Variants in PHIP observed in about 807,000 individuals in gnomAD.
The protein encoded by PHIP is PHIP subunit of CUL4-Ring ligase complex.
PHIP carries 54 observed loss-of-function variants against 236.8 expected under a neutral mutation model. That is an observed-to-expected ratio of 0.23 (90% CI 0.18 to 0.29). The LOEUF (loss-of-function observed/expected upper bound fraction) is 0.29. Among genes scored for constraint, PHIP ranks in the 10% least tolerant of loss-of-function variants. PHIP has a pLI of 1.00. For missense variants in PHIP, 1,370 were observed against 2,190.8 expected (o/e 0.63, Z 7.48); for synonymous variants, 756 against 718.9 (o/e 1.05, Z -0.83).
At chr6:78,962,290 A>G (rs1417054705) in intron 30 of PHIP, among the ~76,000 whole-genome samples, 1 of 152,184 alleles carries the variant, frequency 6.6e-6, no homozygotes, top group Non-Finnish European at 1.5e-5. Flanking sequence ...ATTCAGTGAT[A>G]CTGACCCAAT....
At chr6:78,978,536 A>T (rs558014571) in intron 24 of PHIP, 56 bp downstream of exon 24, 1 of 1,436,766 alleles carries the variant, frequency 7.0e-7, no homozygotes, top group Middle Eastern at 1.8e-4. Flanking sequence ...AAGAGCTGTT[A>T]AAAAATGTTT....
chr6:79,025,371 AC>A, intron 9 of PHIP, 147 bp downstream of exon 9: 1 of 528,710 alleles, frequency 1.9e-6, no homozygotes, highest in Non-Finnish European at 3.4e-6. Flanking sequence ...TAAAAATAAA[AC>A]AGGTTAGTAA....
chr6:78,944,059 A>T (rs1454369847), intron 39 of PHIP, among the ~76,000 whole-genome samples: 1 of 151,786 alleles, frequency 6.6e-6, no homozygotes, highest in Non-Finnish European at 1.5e-5. Context: ...AGACTTCCTA[A>T]AGAAGACGAT....
In PHIP at chr6:78,952,213, G is replaced by A. The variant is rs140076864; in HGVS notation, c.4053+2601C>T. On this transcript the variant is annotated intron_variant, in intron 35 of 39. Transcript: ENST00000275034. ...AGGCAGGCAGATCACAAGGTCAAGA[G>A]ATTGAGACCATCCTGGCCAACATGG... Among the ~76,000 whole-genome samples the A allele has an allele frequency of 8.5e-3, 1,295 of 152,154 alleles. 21 individuals are homozygous for A. The highest frequency in any genetic ancestry group is 0.029 in the African/African-American group (1,206 of 41,500).
intron 7 of PHIP, 140 bp from the exon 8 acceptor site, chr6:79,026,304 G>A (rs753919148): frequency 1.5e-5 from 10 of 665,094 alleles, no homozygotes; most frequent in Non-Finnish European, 2.3e-5. Context: ...ACTTGTGTTA[G>A]CTTACACAAA....
chr6:78,969,102 G>A (rs1302618536), intron 27 of PHIP, among the ~76,000 whole-genome samples: 7 of 152,188 alleles, frequency 4.6e-5, no homozygotes, highest in African/African-American at 1.7e-4. Context: ...AACATGAGAT[G>A]TAAATTTTCT....
intron 6 of PHIP, 60 bp downstream of exon 6, chr6:79,060,418 T>A (rs927589262): frequency 5.1e-6 from 6 of 1,176,918 alleles, no homozygotes; most frequent in Non-Finnish European, 7.3e-6. Flanking sequence ...AAAAACCTTT[T>A]CATTTTCAAA....
chr6:79,007,650 T>C (rs1770355360), intron 15 of PHIP, among the ~76,000 whole-genome samples: 1 of 135,118 alleles, frequency 7.4e-6, no homozygotes, highest in Non-Finnish European at 1.6e-5. Flanking sequence ...CAGTATGTCT[T>C]GTTCTTTTTT....
At chr6:78,953,002 GTTATC>G (rs1392890426) in intron 35 of PHIP, among the ~76,000 whole-genome samples, 3 of 146,640 alleles carry the variant, frequency 2.0e-5, no homozygotes, top group Non-Finnish European at 4.5e-5. Context: ...TGTTGTTTCT[GTTATC>G]TTATTATGGT....
rs188724227 is a variant in PHIP, at chr6:78,948,505, C to A, written c.4054-730G>T. 6.8e-4 allele frequency among the ~76,000 whole-genome samples: 103 copies of A among 152,110 alleles called. 1 individual carries two copies. The South Asian group carries it at 7.9e-3, about 12-fold the overall frequency. ...CAGGGACAAAGAGTATTGTACCCCC[C>A]CTTTTTGGGAGACACAGTCTTGCTG... On this transcript the variant is annotated intron_variant, in intron 35 of 39. Coordinates refer to ENST00000275034, the MANE Select transcript of PHIP (RefSeq NM_017934.7).
chr6:79,049,156 G>C (rs1305347630), intron 6 of PHIP, among the ~76,000 whole-genome samples: 1 of 151,560 alleles, frequency 6.6e-6, no homozygotes, highest in Non-Finnish European at 1.5e-5. Flanking sequence ...TCCGCCTCCT[G>C]GGTTCAAGCG....
intron 23 of PHIP, among the ~76,000 whole-genome samples, chr6:78,981,150 C>T (rs1185920502): frequency 6.6e-6 from 1 of 151,946 alleles, no homozygotes; most frequent in Non-Finnish European, 1.5e-5. Context: ...TTTAACATTT[C>T]TAGCTCCATG....
At chr6:79,057,701 G>A (rs1039405134) in intron 6 of PHIP, among the ~76,000 whole-genome samples, 7 of 152,036 alleles carry the variant, frequency 4.6e-5, no homozygotes, top group African/African-American at 1.7e-4. Context: ...TTTAAAGGTA[G>A]CCAGACAGAA....
intron 9 of PHIP, among the ~76,000 whole-genome samples, chr6:79,024,830 T>C (rs986729072): frequency 6.6e-6 from 1 of 151,878 alleles, no homozygotes; most frequent in Non-Finnish European, 1.5e-5. Flanking sequence ...AATAAATAAA[T>C]AAAAGATATG....
At chr6:78,999,883 A>C (rs1348275647) in intron 17 of PHIP, among the ~76,000 whole-genome samples, 5 of 152,086 alleles carry the variant, frequency 3.3e-5, no homozygotes, top group Non-Finnish European at 7.4e-5. Flanking sequence ...GACAGAAGTA[A>C]AAGTTCAAAT....
Position 79,031,420 on chromosome 6 carries a change from TA to T in PHIP, c.601-5257del, listed in dbSNP as rs554194518. On this transcript the variant is annotated intron_variant, in intron 7 of 39. Transcript: ENST00000275034. The stretch of plus-strand genomic sequence containing the variant: ...ACACCAAATTTACAGGGTTTCTTTT[TA>T]AGTCAAGACAATCTTGTCATCAAAG... Among the ~76,000 whole-genome samples, 6 of 152,316 alleles carry T rather than the reference TA, an allele frequency of 3.9e-5. No individual in the cohort carries two copies. In the South Asian group the frequency reaches 1.2e-3, roughly 32 times the overall value.
intron 6 of PHIP, among the ~76,000 whole-genome samples, chr6:79,050,876 C>T (rs1258476680): frequency 2.6e-5 from 4 of 152,176 alleles, no homozygotes; most frequent in African/African-American, 9.6e-5. Context: ...AAATGATATG[C>T]TATAAAGAAA....
chr6:79,057,882 C>A (rs1417928413), intron 6 of PHIP, among the ~76,000 whole-genome samples: 1 of 152,066 alleles, frequency 6.6e-6, no homozygotes. Flanking sequence ...CAACACCATC[C>A]TGTTCATTAC....
intron 27 of PHIP, among the ~76,000 whole-genome samples, 195 bp from the exon 28 acceptor site, chr6:78,966,251 A>G (rs1025159241): frequency 2.0e-5 from 3 of 152,240 alleles, no homozygotes; most frequent in African/African-American, 4.8e-5. Flanking sequence ...GCATACTTGA[A>G]GTGTGACTTA....
Sources: gnomAD v4.1 joint callset for allele counts (sites outside exome capture counted in the v4.1 genomes callset) on GRCh38, gnomAD v4.1.1 for gene constraint, MANE v1.5 for transcripts, NCBI Gene and HGNC (gene_info 2026-07-23, HGNC 2026-07-21) for gene names.